The following SPINK5 variants were observed in gnomAD, a reference collection of about 807,000 sequenced individuals.
SPINK5 encodes the protein serine peptidase inhibitor Kazal type 5.
SPINK5 carries 125 observed loss-of-function variants against 151.8 expected under a neutral mutation model. The observed-to-expected ratio is 0.82, with a 90% confidence interval of 0.71 to 0.96. The LOEUF is 0.96. Ranked by LOEUF, SPINK5 falls within the 40% of genes least tolerant of loss-of-function variation. The pLI, the probability that SPINK5 is intolerant of heterozygous loss-of-function variation, is 0.00. For missense variants in SPINK5, 1,194 were observed against 1,291.9 expected (o/e 0.92, Z 1.16); for synonymous variants, 374 against 395.3 (o/e 0.95, Z 0.64).
rs369555329 is a variant in SPINK5, at chr5:148,131,358, A to G, written c.3064A>G (p.Asn1022Asp). ...PVCGDDGQTY[N>D]NPCMLCHENL... The stretch of plus-strand genomic sequence containing the variant: ...CTGTGGTGACGATGGCCAAACCTAC[A>G]ACAATCCTTGCATGCTCTGTCATGA... The change falls in exon 31 of 33, where the codon AAC becomes GAC. Residue 1022 changes from asparagine (N) to aspartate (D), a missense_variant. Physicochemically the swap from Asn to Asp is conservative, Grantham distance 23. Coordinates refer to ENST00000256084, the MANE Select transcript of SPINK5 (RefSeq NM_006846.4). 1 of 1,613,838 alleles carries G rather than the reference A, an allele frequency of 6.2e-7. No individual in the cohort carries two copies. Among genetic ancestry groups the G allele is most frequent in the African/African-American group, 1.3e-5 (1 of 74,910 alleles).
chr5:148,073,903 A>C (rs1279122389), intron 4 of SPINK5, among the ~76,000 whole-genome samples: 2 of 149,740 alleles, frequency 1.3e-5, no homozygotes, highest in Non-Finnish European at 3.0e-5. Flanking sequence ...TAAAACTCTT[A>C]ATAGCGATGT....
At chr5:148,113,003 A>T in intron 20 of SPINK5, 69 bp downstream of exon 20, 2 of 1,592,826 alleles carry the variant, frequency 1.3e-6, no homozygotes, top group Admixed American at 3.5e-5. Flanking sequence ...AAAAATAACT[A>T]TGGAATTACT....
At chr5:148,134,575 T>G (rs1178145593) in intron 32 of SPINK5, among the ~76,000 whole-genome samples, 2 of 152,176 alleles carry the variant, frequency 1.3e-5, no homozygotes, top group Admixed American at 6.5e-5. Flanking sequence ...TATGAAAATA[T>G]TCAATAAATA....
chr5:148,136,970 T>A lies in SPINK5; in HGVS notation c.3187-13T>A. 6.2e-7 allele frequency: 1 copy of A among 1,613,672 alleles called. No individual in the cohort carries two copies. The highest frequency in any genetic ancestry group is 8.5e-7 in the Non-Finnish European group (1 of 1,179,648). ...TGGGTTCTAGCATCTAACCTACCCA[T>A]CTTCTCTTCTAGGACGAATGACAGG... On this transcript the variant is annotated splice_polypyrimidine_tract_variant and intron_variant, in intron 32 of 32. Coordinates refer to ENST00000256084, the MANE Select transcript of SPINK5 (RefSeq NM_006846.4).
Position 148,137,066 on chromosome 5 carries a change from T to C in SPINK5, c.*75T>C. On this transcript the variant is annotated 3_prime_UTR_variant, in exon 33 of 33. Transcript: ENST00000256084. The stretch of plus-strand genomic sequence containing the variant: ...ATCACCTACCTTCACCATCTGTATA[T>C]ACAAAGAATTCTTCGGAGCTTGTCT... 1 of 1,572,260 alleles carries C rather than the reference T, an allele frequency of 6.4e-7. No homozygotes were observed. Among genetic ancestry groups the C allele is most frequent in the South Asian group, 1.1e-5 (1 of 90,180 alleles).
At chr5:148,119,876 T>G (rs1198952020) in intron 24 of SPINK5, 133 bp from the exon 25 acceptor site, 1 of 905,294 alleles carries the variant, frequency 1.1e-6, no homozygotes, top group Non-Finnish European at 1.7e-6. Flanking sequence ...TCTCTCTCTG[T>G]GGGACATTAT....
At chr5:148,101,472 G>T in intron 14 of SPINK5, 36 bp downstream of exon 14, 1 of 1,469,384 alleles carries the variant, frequency 6.8e-7, no homozygotes, top group East Asian at 2.3e-5. Context: ...AGAGGGATAT[G>T]GCCCTGAGGA....
intron 2 of SPINK5, among the ~76,000 whole-genome samples, chr5:148,067,982 T>C (rs752895105): frequency 1.4e-4 from 22 of 152,138 alleles, no homozygotes; most frequent in Non-Finnish European, 2.8e-4. Flanking sequence ...TCATGAGTCG[T>C]CTATATACTT....
In SPINK5 at chr5:148,070,381, A is replaced by G; in HGVS notation, c.140A>G (p.Asp47Gly). 4.3e-6 allele frequency: 7 copies of G among 1,612,882 alleles called. No individual in the cohort carries two copies. Among genetic ancestry groups the G allele is most frequent in the Non-Finnish European group, 5.9e-6 (7 of 1,179,310 alleles). ...MKNGKLFCPQ[D>G]KKFFQSLDGI... ...AATGGAAAACTGTTCTGTCCCCAGG[A>G]TAAGAAATTTTTTCAAAGTCTTGAT... The change falls in exon 3 of 33, where the codon GAT (aspartate) becomes GGT (glycine). Residue 47 changes from aspartate (D) to glycine (G), a missense_variant. By Grantham distance (94) the Asp-to-Gly change is moderately conservative (BLOSUM62 -1). Coordinates refer to ENST00000256084, the MANE Select transcript of SPINK5 (RefSeq NM_006846.4).
At chr5:148,118,925 A>T in intron 23 of SPINK5, 61 bp from the exon 24 acceptor site, 1 of 1,522,590 alleles carries the variant, frequency 6.6e-7, no homozygotes, top group Non-Finnish European at 9.1e-7. Context: ...GGACACACTT[A>T]GTGCATAATC....
intron 15 of SPINK5, among the ~76,000 whole-genome samples, chr5:148,102,774 T>TATA (rs1175101393): frequency 6.6e-6 from 1 of 152,152 alleles, no homozygotes; most frequent in African/African-American, 2.4e-5. Flanking sequence ...TTTTAAGGAA[T>TATA]ATAATTAAAA....
intron 4 of SPINK5, among the ~76,000 whole-genome samples, chr5:148,079,846 A>C (rs1222532210): frequency 6.6e-6 from 1 of 151,154 alleles, no homozygotes; most frequent in Non-Finnish European, 1.5e-5. Context: ...ATTGAGAAGA[A>C]AGCAAAGGGT....
Position 148,101,891 on chromosome 5 carries a change from C to CA in SPINK5, c.1414dup (p.Met472AsnfsTer3). 1 of 1,613,642 alleles carries CA rather than the reference C, an allele frequency of 6.2e-7. No individual in the cohort carries two copies. Among genetic ancestry groups the CA allele is most frequent in the Non-Finnish European group, 8.5e-7 (1 of 1,179,664 alleles). On this transcript the variant is annotated frameshift_variant, in exon 15 of 33. Coordinates refer to ENST00000256084, the MANE Select transcript of SPINK5 (RefSeq NM_006846.4). LOFTEE classifies it high-confidence loss of function. Reference sequence around the variant, plus strand: ...GAAAAATGCATGGCAACACCTGCTCCATGTGTGAGGCCTTCTTGTGAGTAG... The same window carrying CA: ...GAAAAATGCATGGCAACACCTGCTCCAATGTGTGAGGCCTTCTTGTGAGTAG...
chr5:148,115,380 G>A (rs906404604), intron 21 of SPINK5, among the ~76,000 whole-genome samples: 1 of 152,120 alleles, frequency 6.6e-6, no homozygotes, highest in Non-Finnish European at 1.5e-5. Context: ...TGTTCAGATA[G>A]GACAGTAAGT....
chr5:148,065,436 G>T, intron 2 of SPINK5, 64 bp downstream of exon 2: 1 of 1,548,880 alleles, frequency 6.5e-7, no homozygotes, highest in Non-Finnish European at 8.9e-7. Context: ...GTGGTTTGTG[G>T]CCAACACCTT....
Position 148,116,201 on chromosome 5 carries a change from A to G in SPINK5, c.2016-169A>G, listed in dbSNP as rs115554283. Among the ~76,000 whole-genome samples the G allele has an allele frequency of 2.9e-3, 441 of 152,292 alleles. 1 individual carries two copies. The highest frequency in any genetic ancestry group is 0.01 in the African/African-American group (421 of 41,562). ...GAGACCCTTCCTGGCAAAGGACTCC[A>G]TATAATTTATATTTTTATTTTTAGA... On this transcript the variant is annotated intron_variant, in intron 21 of 32. Transcript: ENST00000256084.
intron 9 of SPINK5, 30 bp from the exon 10 acceptor site, chr5:148,095,788 A>G (rs749791725): frequency 1.9e-6 from 3 of 1,551,182 alleles, no homozygotes; most frequent in Admixed American, 3.4e-5. Flanking sequence ...GATCGGAAGC[A>G]TCTCTACTCA....
chr5:148,073,486 G>T (rs1025667057), intron 4 of SPINK5, among the ~76,000 whole-genome samples: 4 of 151,810 alleles, frequency 2.6e-5, no homozygotes, highest in African/African-American at 9.7e-5. Flanking sequence ...GGCCAGAAAG[G>T]TTTAGTGGCA....
At chr5:148,105,131 C>T in intron 16 of SPINK5, 131 bp downstream of exon 16, 1 of 1,048,870 alleles carries the variant, frequency 9.5e-7, no homozygotes, top group Non-Finnish European at 1.4e-6. Context: ...ACATTTTTAA[C>T]CTGAACAAAA....
Sources: allele counts gnomAD v4.1 joint callset (sites outside exome capture counted in the v4.1 genomes callset), GRCh38; gene constraint gnomAD v4.1.1; transcripts MANE v1.5; gene names NCBI Gene and HGNC (gene_info 2026-07-23, HGNC 2026-07-21).